Variants in CTNNA2 observed in about 807,000 individuals in gnomAD.
The protein encoded by CTNNA2 is catenin alpha-2.
Under a neutral mutation model 101.0 loss-of-function variants are expected in CTNNA2, and 42 were observed. The ratio of observed to expected loss-of-function variants is 0.42; its 90% confidence interval spans 0.32 to 0.54. CTNNA2 has a LOEUF of 0.54. Among genes scored for constraint, CTNNA2 ranks in the 20% least tolerant of loss-of-function variants. The pLI, the probability that CTNNA2 is intolerant of heterozygous loss-of-function variation, is 0.14. For missense variants in CTNNA2, 871 were observed against 1,223.1 expected (o/e 0.71, Z 4.29); for synonymous variants, 450 against 456.4 (o/e 0.99, Z 0.18).
At chr2:80,237,341 A>G (rs188699167) in intron 7 of CTNNA2, among the ~76,000 whole-genome samples, 1 of 152,314 alleles carries the variant, frequency 6.6e-6, no homozygotes, top group Non-Finnish European at 1.5e-5. Flanking sequence ...GGTTCAATGC[A>G]TGATATTTTG....
chr2:80,078,603 C>T (rs186350185), intron 7 of CTNNA2, among the ~76,000 whole-genome samples: 1 of 152,316 alleles, frequency 6.6e-6, no homozygotes, highest in East Asian at 1.9e-4. Context: ...TAGCAAACCA[C>T]TAACGTAATC....
intron 4 of CTNNA2, among the ~76,000 whole-genome samples, chr2:79,438,482 T>G (rs1428837147): frequency 6.6e-6 from 1 of 152,194 alleles, no homozygotes; most frequent in Non-Finnish European, 1.5e-5. Context: ...GAGGGTTTTT[T>G]AATGTCATTA....
chr2:79,790,705 A>T (rs1675205494), intron 3 of CTNNA2, among the ~76,000 whole-genome samples: 1 of 152,188 alleles, frequency 6.6e-6, no homozygotes, highest in South Asian at 2.1e-4. Context: ...TATACCTATC[A>T]TTCAGTCTCC....
chr2:79,400,520 A>T (rs2104480356), intron 4 of CTNNA2, among the ~76,000 whole-genome samples: 1 of 152,068 alleles, frequency 6.6e-6, no homozygotes, highest in East Asian at 1.9e-4. Context: ...TCCCTAGAGC[A>T]GTTCAGCTGC....
intron 9 of CTNNA2, among the ~76,000 whole-genome samples, chr2:80,540,085 T>C (rs1171685805): frequency 6.6e-6 from 1 of 152,178 alleles, no homozygotes; most frequent in Non-Finnish European, 1.5e-5. Flanking sequence ...GTATTGATGA[T>C]ATATTGTCTG....
chr2:79,279,063 T>C (rs1006722397), intron 2 of CTNNA2, among the ~76,000 whole-genome samples: 2 of 152,162 alleles, frequency 1.3e-5, no homozygotes, highest in Non-Finnish European at 2.9e-5. Context: ...TTCATAAGCA[T>C]TTGTTGTGAA....
intron 6 of CTNNA2, among the ~76,000 whole-genome samples, chr2:79,897,104 T>A (rs2104253703): frequency 6.6e-6 from 1 of 152,254 alleles, no homozygotes; most frequent in East Asian, 1.9e-4. Context: ...TGGATGAAAA[T>A]GCAACTCATT....
At chr2:80,159,035 C>T (rs866270601) in intron 7 of CTNNA2, among the ~76,000 whole-genome samples, 3 of 152,106 alleles carry the variant, frequency 2.0e-5, no homozygotes, top group Non-Finnish European at 4.4e-5. Context: ...GGACCATTCA[C>T]CCATTGAAGG....
intron 7 of CTNNA2, among the ~76,000 whole-genome samples, chr2:79,933,089 A>G (rs1382240052): frequency 6.6e-6 from 1 of 152,196 alleles, no homozygotes; most frequent in African/African-American, 2.4e-5. Context: ...TTGGACAATT[A>G]TAGTTATCAT....
chr2:80,364,939 G>A (rs140370813), intron 7 of CTNNA2, among the ~76,000 whole-genome samples: 1 of 152,246 alleles, frequency 6.6e-6, no homozygotes, highest in Non-Finnish European at 1.5e-5. Flanking sequence ...GATTAGTGAT[G>A]GGGTTAAATG....
intron 2 of CTNNA2, among the ~76,000 whole-genome samples, chr2:79,302,663 C>T (rs1010349989): frequency 6.6e-6 from 1 of 152,056 alleles, no homozygotes; most frequent in Non-Finnish European, 1.5e-5. Flanking sequence ...TTTCAAGTAC[C>T]ATGCAAATTA....
intron 7 of CTNNA2, among the ~76,000 whole-genome samples, chr2:80,120,814 G>A (rs939499992): frequency 6.6e-6 from 1 of 152,150 alleles, no homozygotes; most frequent in Non-Finnish European, 1.5e-5. Flanking sequence ...ATTGCAGTTG[G>A]TTGGTGGGAT....
At chr2:80,534,787 G>T (rs764141716) in intron 9 of CTNNA2, among the ~76,000 whole-genome samples, 3 of 152,164 alleles carry the variant, frequency 2.0e-5, no homozygotes, top group Non-Finnish European at 2.9e-5. Context: ...TATGGTCACA[G>T]GTAAACAAGT....
At position 80,228,796 on chromosome 2, in the gene CTNNA2, A is replaced by G. The variant is rs549990053; in HGVS notation, c.1057-164415A>G. ...AGCTGGTTGTAGGAGAGCTTACGTCACCATTTACAGTTTGTGTACTGCTTA... is the reference window on the plus strand; with the variant it reads ...AGCTGGTTGTAGGAGAGCTTACGTCGCCATTTACAGTTTGTGTACTGCTTA... On this transcript the variant is annotated intron_variant, in intron 7 of 18. Transcript: ENST00000402739. Among the ~76,000 whole-genome samples, 5 of 152,300 alleles carry G rather than the reference A, an allele frequency of 3.3e-5. No individual in the cohort carries two copies. The South Asian group carries it at 1.0e-3, about 32-fold the overall frequency.
chr2:80,506,276 C>A (rs1021622697), intron 9 of CTNNA2, among the ~76,000 whole-genome samples: 28 of 151,966 alleles, frequency 1.8e-4, no homozygotes, highest in African/African-American at 6.8e-4. Context: ...TGGGCTGACT[C>A]GTTAAACGAT....
intron 3 of CTNNA2, among the ~76,000 whole-genome samples, chr2:79,339,375 C>A (rs1677079016): frequency 2.0e-5 from 3 of 152,104 alleles, no homozygotes; most frequent in Admixed American, 1.3e-4. Context: ...AGTAACATCA[C>A]AGGGTCAGTC....
chr2:79,687,601 C>A (rs1255087932), intron 2 of CTNNA2: 6 of 703,498 alleles, frequency 8.5e-6, no homozygotes, highest in Non-Finnish European at 1.6e-5. Flanking sequence ...AAATGAAAAT[C>A]ACATAAATCT....
chr2:80,293,161 C>G (rs1675414221), intron 7 of CTNNA2, among the ~76,000 whole-genome samples: 2 of 152,200 alleles, frequency 1.3e-5, no homozygotes. Flanking sequence ...TGTTCTGCAG[C>G]TGAGGGACAA....
chr2:80,065,998 C>T (rs1002085773), intron 7 of CTNNA2, among the ~76,000 whole-genome samples: 1 of 152,136 alleles, frequency 6.6e-6, no homozygotes, highest in Non-Finnish European at 1.5e-5. Flanking sequence ...CTGTTATCTA[C>T]AGGAACTTGG....
Sources: allele counts gnomAD v4.1 joint callset (sites outside exome capture counted in the v4.1 genomes callset), GRCh38; gene constraint gnomAD v4.1.1; transcripts MANE v1.5; gene names NCBI Gene and HGNC (gene_info 2026-07-23, HGNC 2026-07-21).